Variants in TWSG1 observed in about 807,000 individuals in gnomAD.
TWSG1 encodes the protein twisted gastrulation BMP signaling modulator 1.
TWSG1 carries 15 observed loss-of-function variants against 23.0 expected under a neutral mutation model. The ratio of observed to expected loss-of-function variants is 0.65; its 90% CI spans 0.44 to 1.00. The LOEUF is 1.00. Among genes scored for constraint, TWSG1 ranks in the 50% least tolerant of loss-of-function variants. TWSG1 has a pLI of 0.00. For missense variants in TWSG1, 242 were observed against 278.7 expected (o/e 0.87, Z 0.94); for synonymous variants, 86 against 92.8 (o/e 0.93, Z 0.42).
chr18:9,388,836 T>C (rs1444964554), intron 3 of TWSG1, among the ~76,000 whole-genome samples: 1 of 152,198 alleles, frequency 6.6e-6, no homozygotes, highest in East Asian at 1.9e-4. Flanking sequence ...ACTACAGATG[T>C]GTGTCACCAT....
intron 3 of TWSG1, among the ~76,000 whole-genome samples, chr18:9,382,040 T>C (rs901063830): frequency 6.6e-6 from 1 of 152,078 alleles, no homozygotes; most frequent in Non-Finnish European, 1.5e-5. Flanking sequence ...AGAATAACTA[T>C]ACTTATTTAC....
chr18:9,337,492 C>A, intron 2 of TWSG1, 140 bp downstream of exon 2: 2 of 876,798 alleles, frequency 2.3e-6, no homozygotes, highest in Admixed American at 2.8e-5. Context: ...TGAATCATGA[C>A]ACACAGGTCT....
chr18:9,391,236 T>G (rs2040711069), intron 3 of TWSG1, among the ~76,000 whole-genome samples: 1 of 152,240 alleles, frequency 6.6e-6, no homozygotes, highest in Admixed American at 6.5e-5. Flanking sequence ...TTCAGTCACA[T>G]CCTCAGGCTC....
In TWSG1 at chr18:9,373,800, T is replaced by G. The variant is rs150409014; in HGVS notation, c.223+13729T>G. ...AAACATTCACCAAGATAGATCACAT[T>G]CTGAACCATAAAACACACCTTAGCA... On this transcript the variant is annotated intron_variant, in intron 3 of 4. Transcript: ENST00000262120. Among the ~76,000 whole-genome samples, 213 of 152,310 alleles carry G rather than the reference T, an allele frequency of 1.4e-3. 1 individual carries two copies. Among genetic ancestry groups the G allele is most frequent in the African/African-American group, 5.0e-3 (207 of 41,572 alleles).
intron 2 of TWSG1, among the ~76,000 whole-genome samples, chr18:9,349,145 A>G (rs916711583): frequency 2.7e-5 from 4 of 150,106 alleles, no homozygotes; most frequent in African/African-American, 9.9e-5. Flanking sequence ...CTGTTTCAGG[A>G]AAAAAAAAAT....
chr18:9,382,814 A>AAAAAAAAAAAAC (rs372801301), intron 3 of TWSG1, among the ~76,000 whole-genome samples: 4 of 137,074 alleles, frequency 2.9e-5, no homozygotes, highest in Non-Finnish European at 4.6e-5. Context: ...CTCAAAAAAA[A>AAAAAAAAAAAAC]AAAAACAAAA....
At chr18:9,340,467 A>G (rs1329189376) in intron 2 of TWSG1, among the ~76,000 whole-genome samples, 2 of 152,136 alleles carry the variant, frequency 1.3e-5, no homozygotes, top group Admixed American at 1.3e-4. Flanking sequence ...TTGAAATGAA[A>G]TGTGATTAGT....
At chr18:9,358,981 G>A (rs2145606606) in intron 2 of TWSG1, among the ~76,000 whole-genome samples, 1 of 152,288 alleles carries the variant, frequency 6.6e-6, no homozygotes, top group East Asian at 1.9e-4. Flanking sequence ...GGTGGCAAGG[G>A]GAGGGCAGGG....
chr18:9,370,113 A>G (rs1039703957), intron 3 of TWSG1, among the ~76,000 whole-genome samples: 1 of 152,062 alleles, frequency 6.6e-6, no homozygotes, highest in Admixed American at 6.6e-5. Context: ...AGGTCAAGAG[A>G]TCAAGACCAT....
chr18:9,397,296 C>T (rs2040741985), intron 4 of TWSG1, among the ~76,000 whole-genome samples: 1 of 152,084 alleles, frequency 6.6e-6, no homozygotes, highest in Admixed American at 6.5e-5. Context: ...ATAATAGCAC[C>T]CGTACCAAAA....
At chr18:9,393,316 A>C (rs1342669681) in intron 3 of TWSG1, among the ~76,000 whole-genome samples, 1 of 152,258 alleles carries the variant, frequency 6.6e-6, no homozygotes, top group Non-Finnish European at 1.5e-5. Flanking sequence ...ACAACAAAAC[A>C]TAGTGGCTTA....
intron 2 of TWSG1, among the ~76,000 whole-genome samples, chr18:9,355,543 A>G (rs1033672970): frequency 3.9e-5 from 6 of 152,200 alleles, no homozygotes; most frequent in Non-Finnish European, 7.4e-5. Flanking sequence ...TAGAATGAAT[A>G]GAAAAGAATG....
At position 9,401,021 on chromosome 18, in the gene TWSG1, GTAGT is replaced by G. The variant is rs748852382; in HGVS notation, c.*1501_*1504del. 17 of 152,084 alleles carry G rather than the reference GTAGT, an allele frequency of 1.1e-4. No homozygotes were observed. The highest frequency in any genetic ancestry group is 2.4e-4 in the Non-Finnish European group (16 of 68,018). 9.4% of individuals were successfully genotyped at this position (152,084 alleles called of 1,614,324 possible). A position where few individuals can be genotyped will look rare whatever the true frequency, so the allele number is the denominator to read the frequency against. The stretch of plus-strand genomic sequence containing the variant: ...TTTTGTATTATTCATGATCTGAATA[GTAGT>G]TAGTTAAAAGATCATTTGTAATATT... On this transcript the variant is annotated 3_prime_UTR_variant, in exon 5 of 5. Transcript: ENST00000262120.
intron 3 of TWSG1, among the ~76,000 whole-genome samples, chr18:9,389,432 C>G (rs1268595671): frequency 6.6e-6 from 1 of 152,130 alleles, no homozygotes; most frequent in African/African-American, 2.4e-5. Context: ...GAGGCTACAT[C>G]ATGATCTTGG....
intron 3 of TWSG1, among the ~76,000 whole-genome samples, chr18:9,392,802 G>A (rs1366946592): frequency 6.6e-6 from 1 of 152,186 alleles, no homozygotes; most frequent in Non-Finnish European, 1.5e-5. Flanking sequence ...TAAAGTGAGA[G>A]ACGTGAACAC....
chr18:9,344,490 C>CGTGTGTGT (rs1491456878), intron 2 of TWSG1, among the ~76,000 whole-genome samples: 1,148 of 112,822 alleles, frequency 0.01, 73 homozygotes, highest in East Asian at 0.099. Flanking sequence ...TTAGTGAATG[C>CGTGTGTGT]ATGTGTGTGT....
At chr18:9,354,710 T>C (rs558692461) in intron 2 of TWSG1, among the ~76,000 whole-genome samples, 1 of 152,180 alleles carries the variant, frequency 6.6e-6, no homozygotes, top group Non-Finnish European at 1.5e-5. Flanking sequence ...TTTTTTATGA[T>C]AGAGAAATGC....
chr18:9,389,261 C>T (rs1016448205), intron 3 of TWSG1, among the ~76,000 whole-genome samples: 1 of 152,158 alleles, frequency 6.6e-6, no homozygotes, highest in African/African-American at 2.4e-5. Context: ...CAGGTGTGAA[C>T]CACTGCACCC....
chr18:9,400,013 C>T lies in TWSG1; in HGVS notation c.*486C>T, dbSNP rs1002342282. ...TAAATAGAGTAGATATTTGATATACCACTCTGATAACTCATATAAAAATAT... is the reference window on the plus strand; with the variant it reads ...TAAATAGAGTAGATATTTGATATACTACTCTGATAACTCATATAAAAATAT... On this transcript the variant is annotated 3_prime_UTR_variant, in exon 5 of 5. Coordinates refer to ENST00000262120, the MANE Select transcript of TWSG1 (RefSeq NM_020648.6). The T allele has an allele frequency of 1.3e-5, 2 of 152,700 alleles. No homozygotes were observed. Among genetic ancestry groups the T allele is most frequent in the African/African-American group, 4.8e-5 (2 of 41,404 alleles). 9.5% of individuals were successfully genotyped at this position (152,700 alleles called of 1,614,324 possible). A position where few individuals can be genotyped will look rare whatever the true frequency, so the allele number is the denominator to read the frequency against.
Sources: gnomAD v4.1 joint callset for allele counts (sites outside exome capture counted in the v4.1 genomes callset) on GRCh38, gnomAD v4.1.1 for gene constraint, MANE v1.5 for transcripts, NCBI Gene and HGNC (gene_info 2026-07-23, HGNC 2026-07-21) for gene names.